Variants in SIPA1L1 observed in about 807,000 individuals in gnomAD.
SIPA1L1 encodes signal induced proliferation associated 1 like 1.
SIPA1L1 carries 26 observed loss-of-function variants against 162.7 expected under a neutral mutation model. That is an observed-to-expected ratio of 0.16 (90% CI 0.12 to 0.22). The LOEUF (loss-of-function observed/expected upper bound fraction) is 0.22, where lower values mean the gene tolerates loss of function less well. SIPA1L1 is among the 10% of genes least tolerant of loss of function. SIPA1L1 has a pLI of 1.00. For missense variants in SIPA1L1, 1,874 were observed against 2,241.0 expected, an observed-to-expected ratio of 0.84 and a Z score of 3.31; for synonymous variants, 829 against 837.4, an observed-to-expected ratio of 0.99 and a Z score of 0.17.
rs1221152439 is a variant in SIPA1L1 at position 71,377,275 on chromosome 14, G to A, written c.-465+56094G>A. 2.0e-5 allele frequency among the ~76,000 whole-genome samples: 3 copies of A among 151,662 alleles called. No individual in the cohort carries two copies. The highest frequency in any genetic ancestry group is 1.3e-4 in the Admixed American group (2 of 15,250). On this transcript the variant is annotated intron_variant, in intron 2 of 23. Coordinates refer to ENST00000381232, the MANE Select transcript of SIPA1L1 (RefSeq NM_001386936.1). The surrounding 1 kb of genome is among the most constrained non-coding windows in gnomAD (Gnocchi z 4.8). ...CTCCCAGACGGGGCGGCGGCCGGAC[G>A]GGGGCGTTCTCCACTTCTCAGACAG...
At chr14:71,478,068 A>G (rs2048027378) in intron 2 of SIPA1L1, among the ~76,000 whole-genome samples, 1 of 152,146 alleles carries the variant, frequency 6.6e-6, no homozygotes. Context: ...ATTTGGATGG[A>G]TGTGTAGTGG....
intron 2 of SIPA1L1, among the ~76,000 whole-genome samples, chr14:71,348,135 T>C (rs2036346930): frequency 2.0e-5 from 3 of 152,182 alleles, no homozygotes; most frequent in African/African-American, 7.2e-5. Flanking sequence ...CCACATCAAG[T>C]ATGCAAACTG....
intron 3 of SIPA1L1, among the ~76,000 whole-genome samples, chr14:71,525,264 G>A (rs976553582): frequency 1.3e-5 from 2 of 150,966 alleles, no homozygotes; most frequent in South Asian, 4.2e-4. Context: ...CTCACTGCAA[G>A]CCCCACCTCC....
At chr14:71,363,911 C>T (rs2140907197) in intron 2 of SIPA1L1, among the ~76,000 whole-genome samples, 1 of 152,042 alleles carries the variant, frequency 6.6e-6, no homozygotes, top group South Asian at 2.1e-4. Flanking sequence ...TACTAGTTTC[C>T]CTCCATCAGT....
chr14:71,674,486 T>A (rs150453863), intron 12 of SIPA1L1, among the ~76,000 whole-genome samples: 205 of 152,288 alleles, frequency 1.3e-3, no homozygotes, highest in Non-Finnish European at 2.4e-3. Flanking sequence ...AGCACTTTTT[T>A]ATGGGTTAGT....
At position 71,685,368 on chromosome 14, in the gene SIPA1L1, C is replaced by T; in HGVS notation, c.3111C>T (p.Cys1037=). 1 of 1,614,058 alleles carries T rather than the reference C, an allele frequency of 6.2e-7. No individual in the cohort carries two copies. The highest frequency in any genetic ancestry group is 8.5e-7 in the Non-Finnish European group (1 of 1,179,982). The change falls in exon 13 of 24, where the codon TGC becomes TGT. Residue 1037 remains cysteine (C), a synonymous_variant. Coordinates refer to ENST00000381232, the MANE Select transcript of SIPA1L1 (RefSeq NM_001386936.1). ...PHDDCTPRRS[C]SETYRMPVME... ...TGTGCCTTGCCCCTAATAGGAGTTG[C>T]TCTGAAACCTACCGCATGCCAGTGA...
At chr14:71,380,301 G>A (rs1318741907) in intron 2 of SIPA1L1, among the ~76,000 whole-genome samples, 1 of 152,108 alleles carries the variant, frequency 6.6e-6, no homozygotes, top group African/African-American at 2.4e-5. Context: ...TATCCTTTGT[G>A]GTGTAAAACT....
In SIPA1L1 at chr14:71,365,907, T is replaced by TTTTTG. The variant is rs71105773; in HGVS notation, c.-465+44726_-465+44727insTTTTG. Among the ~76,000 whole-genome samples the TTTTTG allele has an allele frequency of 2.1e-4, 30 of 140,074 alleles. 2 individuals carry two copies. The highest frequency in any genetic ancestry group is 2.9e-4 in the Admixed American group (4 of 13,644). The allele number at this position is 140,074 out of a possible 152,430, so 91.9% of individuals were successfully genotyped here. On this transcript the variant is annotated intron_variant, in intron 2 of 23. Transcript: ENST00000381232. ...TGCCTGGTTAATTTTTTTTTTTTTT[T>TTTTTG]AAGAGATGGGGTTTTGCCATCTTGC... is the stretch of plus-strand genomic sequence containing the variant.
intron 2 of SIPA1L1, among the ~76,000 whole-genome samples, chr14:71,339,394 G>A (rs937368605): frequency 2.0e-4 from 30 of 146,910 alleles, no homozygotes. Context: ...ACAAAGTCTC[G>A]CTCTGTAGGC....
chr14:71,322,206 A>C (rs1010842021), intron 2 of SIPA1L1, among the ~76,000 whole-genome samples: 7 of 152,144 alleles, frequency 4.6e-5, no homozygotes, highest in African/African-American at 1.7e-4. Context: ...TGAAACTCTG[A>C]GTCAGACTCT....
In SIPA1L1 at chr14:71,739,822, T is replaced by G. The variant is rs2085634319; in HGVS notation, c.*661T>G. 4 of 152,208 alleles carry G rather than the reference T, an allele frequency of 2.6e-5. 1 individual carries two copies. In the South Asian group the frequency reaches 8.3e-4, roughly 32 times the overall value. The allele number at this position is 152,208 out of a possible 1,614,324, so 9.4% of individuals were successfully genotyped here. ...CAGTGCCTGCAGGCCACACCCCTTC[T>G]CAGTCCTGCATTGTGAGGTCATTTC... is the stretch of plus-strand genomic sequence containing the variant. On this transcript the variant is annotated 3_prime_UTR_variant, in exon 24 of 24. Coordinates refer to ENST00000381232, the MANE Select transcript of SIPA1L1 (RefSeq NM_001386936.1).
chr14:71,451,360 G>C (rs557264479), intron 2 of SIPA1L1, among the ~76,000 whole-genome samples: 2 of 152,144 alleles, frequency 1.3e-5, no homozygotes, highest in South Asian at 4.1e-4. Context: ...ATATATTGCA[G>C]GCCAGGCACC....
intron 2 of SIPA1L1, among the ~76,000 whole-genome samples, chr14:71,417,485 A>AAAAAAAAAAAAAAAAAAAAAAAAAC (rs2042874155): frequency 7.1e-6 from 1 of 141,406 alleles, no homozygotes; most frequent in Non-Finnish European, 1.6e-5. Context: ...AAAAAAAAAA[A>AAAAAAAAAAAAAAAAAAAAAAAAAC]AAAAAAAAAA....
intron 2 of SIPA1L1, among the ~76,000 whole-genome samples, chr14:71,455,864 T>C (rs2046149089): frequency 6.6e-6 from 1 of 152,206 alleles, no homozygotes; most frequent in African/African-American, 2.4e-5. Flanking sequence ...CCTTCACATA[T>C]TACGGTAGCA....
intron 16 of SIPA1L1, 41 bp from the exon 17 acceptor site, chr14:71,709,181 A>G: frequency 6.6e-7 from 1 of 1,524,626 alleles, no homozygotes; most frequent in Non-Finnish European, 9.0e-7. Context: ...TTGTTCAGGA[A>G]GCAAAACTTT....
At chr14:71,411,688 T>G (rs975448388) in intron 2 of SIPA1L1, among the ~76,000 whole-genome samples, 7 of 152,250 alleles carry the variant, frequency 4.6e-5, no homozygotes, top group Non-Finnish European at 1.0e-4. Flanking sequence ...GCACAGGTTC[T>G]ACCTGGACTG....
intron 2 of SIPA1L1, among the ~76,000 whole-genome samples, chr14:71,426,224 T>C (rs1228618476): frequency 6.6e-6 from 1 of 152,164 alleles, no homozygotes; most frequent in East Asian, 1.9e-4. Context: ...TTAGAGAGTT[T>C]AATCCATTTA....
chr14:71,594,345 A>G lies in SIPA1L1; in HGVS notation c.1498+4975A>G, dbSNP rs759772040. On this transcript the variant is annotated intron_variant, in intron 5 of 23. Transcript: ENST00000381232. ...TAGCTGTTATAAATTTTAGTGGATT[A>G]TTTTTTAGTGCATATAGAACATCAG... Among the ~76,000 whole-genome samples, 48 of 152,178 alleles carry G rather than the reference A, an allele frequency of 3.2e-4. 1 individual carries two copies. Among genetic ancestry groups the G allele is most frequent in the Non-Finnish European group, 1.0e-4 (7 of 68,022 alleles).
At chr14:71,712,842 G>A (rs2082976084) in intron 17 of SIPA1L1, among the ~76,000 whole-genome samples, 1 of 152,188 alleles carries the variant, frequency 6.6e-6, no homozygotes, top group Admixed American at 6.5e-5. Context: ...ACGGTTGTTA[G>A]CCAGCTATTC....
Sources: allele counts gnomAD v4.1 joint callset (sites outside exome capture counted in the v4.1 genomes callset), GRCh38; gene constraint gnomAD v4.1.1; non-coding constraint Gnocchi (gnomAD v3.1); transcripts MANE v1.5; gene names NCBI Gene and HGNC (gene_info 2026-07-23, HGNC 2026-07-21).